The following SUSD4 variants were observed in gnomAD, a reference collection of about 807,000 sequenced individuals.
SUSD4 encodes sushi domain-containing protein 4.
In SUSD4, 41 loss-of-function variants were observed where a neutral mutation model predicts 50.5. That is an observed-to-expected ratio of 0.81 (90% confidence interval 0.63 to 1.05). The LOEUF (loss-of-function observed/expected upper bound fraction) is 1.05. Among genes scored for constraint, SUSD4 ranks in the 50% least tolerant of loss-of-function variants. The pLI, the probability that SUSD4 is intolerant of heterozygous loss-of-function variation, is 0.00. For missense variants in SUSD4, 580 were observed against 634.7 expected, an observed-to-expected ratio of 0.91 and a Z score of 0.93; for synonymous variants, 257 against 257.3, an observed-to-expected ratio of 1.00 and a Z score of 0.01.
At chr1:223,276,508 A>G (rs1312136918) in intron 3 of SUSD4, among the ~76,000 whole-genome samples, 2 of 152,208 alleles carry the variant, frequency 1.3e-5, no homozygotes, top group Non-Finnish European at 2.9e-5. Context: ...TGCAACCATC[A>G]TAACTGATCA....
At chr1:223,251,204 C>T (rs1307295928) in intron 5 of SUSD4, among the ~76,000 whole-genome samples, 4 of 152,138 alleles carry the variant, frequency 2.6e-5, no homozygotes, top group African/African-American at 4.8e-5. Flanking sequence ...GTGTAATTGG[C>T]TCATGGTTCT....
chr1:223,364,301 G>C (rs1430609828), upstream of SUSD4: 1 of 138,778 alleles, frequency 7.2e-6, no homozygotes, highest in Non-Finnish European at 1.6e-5. This position sits in a 1 kb window ranked among gnomAD's most constrained non-coding sequence, Gnocchi z 4.5. Flanking sequence ...CCGCGCGCCC[G>C]CTACCTGAAC....
chr1:223,244,932 G>T (rs906446601), intron 5 of SUSD4, among the ~76,000 whole-genome samples: 2 of 152,158 alleles, frequency 1.3e-5, no homozygotes, highest in African/African-American at 2.4e-5. Flanking sequence ...GTGTGTGCAA[G>T]AATCTGCTTT....
intron 2 of SUSD4, among the ~76,000 whole-genome samples, chr1:223,330,755 A>C (rs1667129233): frequency 6.6e-6 from 1 of 152,206 alleles, no homozygotes; most frequent in Admixed American, 6.5e-5. Context: ...TTGTAGACAC[A>C]ATTGATTGCA....
At position 223,339,959 on chromosome 1, in the gene SUSD4, C is replaced by T. The variant is rs111835799; in HGVS notation, c.148+23319G>A. Among the ~76,000 whole-genome samples, 478 of 152,318 alleles carry T rather than the reference C, an allele frequency of 3.1e-3. 2 individuals carry two copies. Among genetic ancestry groups the T allele is most frequent in the African/African-American group, 0.011 (457 of 41,568 alleles). On this transcript the variant is annotated intron_variant, in intron 2 of 8. Transcript: ENST00000366878. ...AAGGGGGCTCTCATTCCACCGGCTC[C>T]GCTCTGGCAGAACCACGACACTCAA...
rs186139943 is a variant in SUSD4 at position 223,265,824 on chromosome 1, G to T, written c.536-1006C>A. ...AGAATAATGACACTGCAGAGCCGGT[G>T]TTCTTCCAGGAGAGAACTAATTGTG... On this transcript the variant is annotated intron_variant, in intron 4 of 8. Transcript: ENST00000366878. Among the ~76,000 whole-genome samples the T allele has an allele frequency of 2.8e-4, 43 of 152,330 alleles. No individual in the cohort carries two copies. In the Middle Eastern group the frequency reaches 0.01, roughly 36 times the overall value.
chr1:223,257,665 C>T (rs1055159975), intron 5 of SUSD4, among the ~76,000 whole-genome samples: 8 of 152,232 alleles, frequency 5.3e-5, no homozygotes, highest in African/African-American at 1.9e-4. Context: ...TTTCTTCTGT[C>T]ATTTCCCATG....
At chr1:223,321,209 T>C (rs1175715722) in intron 2 of SUSD4, among the ~76,000 whole-genome samples, 2 of 152,138 alleles carry the variant, frequency 1.3e-5, no homozygotes, top group Admixed American at 1.3e-4. Context: ...CAGGCTCAGG[T>C]ACCAGACCTG....
intron 5 of SUSD4, among the ~76,000 whole-genome samples, chr1:223,240,008 T>A (rs536675306): frequency 7.9e-5 from 12 of 151,988 alleles, no homozygotes; most frequent in Admixed American, 3.9e-4. Flanking sequence ...CCCAAGAAAA[T>A]CTTCCTTTCT....
upstream of SUSD4, among the ~76,000 whole-genome samples, chr1:223,364,369 TG>T (rs946478965): frequency 4.2e-4 from 6 of 14,284 alleles, no homozygotes; most frequent in Non-Finnish European, 6.4e-4. This position sits in a 1 kb window ranked among gnomAD's most constrained non-coding sequence, Gnocchi z 4.5. Flanking sequence ...ACGGGGTGAG[TG>T]GGGGGGCGGG....
At chr1:223,258,951 C>T (rs970509550) in intron 5 of SUSD4, among the ~76,000 whole-genome samples, 3 of 152,202 alleles carry the variant, frequency 2.0e-5, no homozygotes, top group Non-Finnish European at 2.9e-5. Context: ...CCTTAGAACT[C>T]CTTCTAGGTG....
intron 3 of SUSD4, among the ~76,000 whole-genome samples, chr1:223,290,571 T>C (rs1281269676): frequency 6.6e-6 from 1 of 152,194 alleles, no homozygotes; most frequent in African/African-American, 2.4e-5. Flanking sequence ...CGTGGTCTTA[T>C]TTGAGGTTGC....
chr1:223,280,134 G>T (rs577852851), intron 3 of SUSD4, among the ~76,000 whole-genome samples: 1 of 152,258 alleles, frequency 6.6e-6, no homozygotes, highest in East Asian at 1.9e-4. Context: ...GCTAAAACAT[G>T]AAAAATTGTA....
chr1:223,298,868 A>C (rs1665007256), intron 2 of SUSD4, among the ~76,000 whole-genome samples: 1 of 152,216 alleles, frequency 6.6e-6, no homozygotes, highest in Non-Finnish European at 1.5e-5. Flanking sequence ...CTCTGTTTTC[A>C]AGTAAGCATA....
At chr1:223,322,932 C>T (rs1043646894) in intron 2 of SUSD4, among the ~76,000 whole-genome samples, 1 of 152,152 alleles carries the variant, frequency 6.6e-6, no homozygotes, top group African/African-American at 2.4e-5. Context: ...TAAGCCTTTC[C>T]CCAAGGAAGA....
chr1:223,252,037 G>A (rs1661346291), intron 5 of SUSD4, among the ~76,000 whole-genome samples: 1 of 137,726 alleles, frequency 7.3e-6, no homozygotes, highest in East Asian at 2.2e-4. Flanking sequence ...CTTGGACACA[G>A]GAAGGGGAAC....
rs753976676 is a variant in SUSD4 at position 223,360,255 on chromosome 1, G to C, written c.148+3023C>G. 2.3e-5 allele frequency: 11 copies of C among 470,648 alleles called. 1 individual carries two copies. Among genetic ancestry groups the C allele is most frequent in the South Asian group, 1.7e-4 (11 of 64,518 alleles). The allele number at this position is 470,648 out of a possible 1,614,324, so 29.2% of individuals were successfully genotyped here. ...TCTTGGCTCTCTTCCTTGAAGCCTG[G>C]GGGTGGGGGGCACTCTGGGCATCCC... On this transcript the variant is annotated intron_variant, in intron 2 of 8. Coordinates refer to ENST00000366878, the MANE Select transcript of SUSD4 (RefSeq NM_017982.4).
chr1:223,254,214 G>A (rs1196817763), intron 5 of SUSD4, among the ~76,000 whole-genome samples: 1 of 152,160 alleles, frequency 6.6e-6, no homozygotes, highest in Non-Finnish European at 1.5e-5. Flanking sequence ...GTGGGGAGAG[G>A]GGATTATCTG....
intron 3 of SUSD4, among the ~76,000 whole-genome samples, chr1:223,284,078 T>A (rs1663956450): frequency 1.1e-5 from 1 of 90,576 alleles, no homozygotes; most frequent in African/African-American, 5.0e-5. Flanking sequence ...CCAGGGCCTG[T>A]TGTGGGATAG....
Sources: allele counts gnomAD v4.1 joint callset (sites outside exome capture counted in the v4.1 genomes callset), GRCh38; gene constraint gnomAD v4.1.1; non-coding constraint Gnocchi (gnomAD v3.1); transcripts MANE v1.5; gene names NCBI Gene and HGNC (gene_info 2026-07-23, HGNC 2026-07-21).